Variants in WDR48 observed in about 807,000 individuals in gnomAD.
The protein encoded by WDR48 is WD repeat domain 48.
Under a neutral mutation model 94.0 loss-of-function variants are expected in WDR48, and 22 were observed. The ratio of observed to expected loss-of-function variants is 0.23; its 90% confidence interval spans 0.17 to 0.33. WDR48 has a LOEUF of 0.33. WDR48 is among the 10% of genes least tolerant of loss of function. WDR48 has a pLI of 1.00. For missense variants in WDR48, 541 were observed against 813.8 expected, an observed-to-expected ratio of 0.66 and a Z score of 4.08; for synonymous variants, 278 against 280.5, an observed-to-expected ratio of 0.99 and a Z score of 0.09.
rs1297694339 is a variant in WDR48 at position 39,096,433 on chromosome 3, G to A, written c.*1690G>A. The A allele has an allele frequency of 6.6e-6, 1 of 151,890 alleles. No homozygotes were observed. The highest frequency in any genetic ancestry group is 1.5e-5 in the Non-Finnish European group (1 of 68,000). The allele number at this position is 151,890 out of a possible 1,614,324, so 9.4% of individuals were successfully genotyped here. On this transcript the variant is annotated 3_prime_UTR_variant, in exon 19 of 19. Coordinates refer to ENST00000302313, the MANE Select transcript of WDR48 (RefSeq NM_020839.4). Reference sequence around the variant, plus strand: ...TACCAGCCCTCAGTTGTGTTTGCCCGAGGGGCCTTTGAGCAAAGAAATGGG... The same window carrying A: ...TACCAGCCCTCAGTTGTGTTTGCCCAAGGGGCCTTTGAGCAAAGAAATGGG...
At chr3:39,087,558 G>T (rs1379413267) in intron 14 of WDR48, among the ~76,000 whole-genome samples, 3 of 152,110 alleles carry the variant, frequency 2.0e-5, no homozygotes, top group African/African-American at 4.8e-5. Context: ...GGTTGAGGCC[G>T]CAATGATCTG....
intron 2 of WDR48, among the ~76,000 whole-genome samples, chr3:39,064,092 C>A (rs72859509): frequency 6.6e-6 from 1 of 151,858 alleles, no homozygotes; most frequent in African/African-American, 2.4e-5. Context: ...GGTAACGAGC[C>A]CTTTTAGTAT....
intron 11 of WDR48, among the ~76,000 whole-genome samples, chr3:39,083,575 G>A (rs2034641345): frequency 1.3e-5 from 2 of 152,130 alleles, no homozygotes; most frequent in Non-Finnish European, 2.9e-5. Flanking sequence ...TCAGAGTCAT[G>A]TGCTGAGGAT....
chr3:39,081,441 A>G (rs915100228), intron 11 of WDR48, among the ~76,000 whole-genome samples: 3 of 152,158 alleles, frequency 2.0e-5, no homozygotes, highest in Admixed American at 6.5e-5. Flanking sequence ...CTTTGAGTAG[A>G]AAGTTTAGTT....
intron 1 of WDR48, among the ~76,000 whole-genome samples, chr3:39,056,294 A>G (rs1372234489): frequency 6.6e-6 from 1 of 152,270 alleles, no homozygotes; most frequent in Non-Finnish European, 1.5e-5. Flanking sequence ...ACAAAGATAG[A>G]TAATACAGAA....
At chr3:39,087,107 A>T (rs567189285) in intron 14 of WDR48, among the ~76,000 whole-genome samples, 2 of 152,316 alleles carry the variant, frequency 1.3e-5, no homozygotes, top group East Asian at 3.9e-4. Context: ...CTGAGATAGA[A>T]GGGTGCTAGG....
At chr3:39,083,016 C>T (rs1443910446) in intron 11 of WDR48, among the ~76,000 whole-genome samples, 1 of 152,142 alleles carries the variant, frequency 6.6e-6, no homozygotes, top group Non-Finnish European at 1.5e-5. Flanking sequence ...AATGAAGAGC[C>T]AGTGGCAGCT....
chr3:39,056,818 A>C (rs571629837), intron 1 of WDR48, among the ~76,000 whole-genome samples: 200 of 152,332 alleles, frequency 1.3e-3, no homozygotes, highest in African/African-American at 4.7e-3. Flanking sequence ...TGGAGTGAAC[A>C]AAGAAAGAAG....
chr3:39,075,762 C>T (rs1007888652), intron 8 of WDR48, among the ~76,000 whole-genome samples: 4 of 151,384 alleles, frequency 2.6e-5, no homozygotes, highest in South Asian at 2.1e-4. Context: ...GATGCGATCT[C>T]GGCTCACTGC....
chr3:39,084,118 C>T (rs2034683134), intron 11 of WDR48, 37 bp from the exon 12 acceptor site: 2 of 1,534,014 alleles, frequency 1.3e-6, no homozygotes, highest in African/African-American at 1.4e-5. Context: ...GAATTCACCA[C>T]TTAATATTGA....
chr3:39,077,923 G>C (rs2034311628), intron 9 of WDR48: 1 of 447,176 alleles, frequency 2.2e-6, no homozygotes, highest in South Asian at 3.2e-5. Context: ...TTCATGCATA[G>C]TTTTCTCTCC....
At chr3:39,059,060 G>A (rs145063053) in intron 1 of WDR48, among the ~76,000 whole-genome samples, 1,658 of 135,486 alleles carry the variant, frequency 0.012, 31 homozygotes, top group African/African-American at 0.046. Context: ...GGGCGATACA[G>A]TGAGACTCCG....
chr3:39,056,245 T>C (rs1378089021), intron 1 of WDR48, among the ~76,000 whole-genome samples: 1 of 152,110 alleles, frequency 6.6e-6, no homozygotes, highest in African/African-American at 2.4e-5. Flanking sequence ...CCTCCAGTTA[T>C]AAAATAGTAA....
intron 1 of WDR48, 42 bp downstream of exon 1, chr3:39,052,115 A>AGCTCCGGGCCC (rs1189051069): frequency 5.0e-6 from 8 of 1,611,174 alleles, no homozygotes; most frequent in Non-Finnish European, 6.8e-6. Flanking sequence ...CGCGGCCGGC[A>AGCTCCGGGCCC]GCTCCGGGCC....
intron 1 of WDR48, among the ~76,000 whole-genome samples, chr3:39,056,224 C>T (rs2032877021): frequency 6.6e-6 from 1 of 151,888 alleles, no homozygotes; most frequent in Non-Finnish European, 1.5e-5. Flanking sequence ...CTATAATTTG[C>T]TTTGAAAAAA....
At chr3:39,075,550 A>C (rs1279496288) in intron 8 of WDR48, among the ~76,000 whole-genome samples, 1 of 152,110 alleles carries the variant, frequency 6.6e-6, no homozygotes, top group African/African-American at 2.4e-5. Flanking sequence ...TGTGGGTCAA[A>C]GGGTTCTTGA....
Position 39,069,735 on chromosome 3 carries a change from T to G in WDR48, c.663T>G (p.Asp221Glu). The G allele has an allele frequency of 1.2e-6, 2 of 1,612,598 alleles. No individual in the cohort carries two copies. Among genetic ancestry groups the G allele is most frequent in the Non-Finnish European group, 1.7e-6 (2 of 1,179,134 alleles). ...DNVKALLLNR[D>E]GTQCLSGSSD... is the part of the protein sequence containing the mutation. ...TGAAGGCATTGCTATTAAACAGAGA[T>G]GGCACGCAAGTATGCAGTTTCATTT... Residue 221 changes from aspartate (D) to glutamate (E), a missense_variant, in exon 7 of 19, where the codon GAT (aspartate) becomes GAG (glutamate). Asp to Glu is a conservative substitution (Grantham distance 45). Coordinates refer to ENST00000302313, the MANE Select transcript of WDR48 (RefSeq NM_020839.4).
intron 8 of WDR48, among the ~76,000 whole-genome samples, chr3:39,075,264 G>A (rs2034160333): frequency 6.8e-6 from 1 of 147,984 alleles, no homozygotes; most frequent in Non-Finnish European, 1.5e-5. Flanking sequence ...TGGTACATCA[G>A]TGATGCATGG....
At chr3:39,090,555 C>T (rs1247168904) in intron 16 of WDR48, 1 of 152,136 alleles carries the variant, frequency 6.6e-6, no homozygotes, top group African/African-American at 2.4e-5. Context: ...TTATGTCTAG[C>T]TCTCTAATCT....
Sources: allele counts gnomAD v4.1 joint callset (sites outside exome capture counted in the v4.1 genomes callset), GRCh38; gene constraint gnomAD v4.1.1; transcripts MANE v1.5; gene names NCBI Gene and HGNC (gene_info 2026-07-23, HGNC 2026-07-21).